The following PATL2 variants were observed in gnomAD, a reference collection of about 807,000 sequenced individuals.
The protein encoded by PATL2 is PAT1 homolog 2, also known as protein PAT1 homolog 2.
Under a neutral mutation model 77.0 loss-of-function variants are expected in PATL2, and 73 were observed. That is an observed-to-expected ratio of 0.95 (90% CI 0.78 to 1.15). PATL2 has a LOEUF of 1.15. PATL2 is among the 50% of genes most tolerant of loss of function. The pLI is 0.00. For missense variants in PATL2, 618 were observed against 655.4 expected, an observed-to-expected ratio of 0.94 and a Z score of 0.62; for synonymous variants, 265 against 257.1, an observed-to-expected ratio of 1.03 and a Z score of -0.29.
chr15:44,676,435 TG>T (rs1278160177), intron 4 of PATL2, 39 bp downstream of exon 4: 2 of 1,501,082 alleles, frequency 1.3e-6, no homozygotes, highest in Admixed American at 2.0e-5. Flanking sequence ...CTCTGCATGC[TG>T]GGGCATTTTA....
chr15:44,676,862 C>G, intron 3 of PATL2: 1 of 1,104,500 alleles, frequency 9.1e-7, no homozygotes, highest in African/African-American at 1.6e-5. Context: ...CTGCCGACAC[C>G]CACCACCTGA....
chr15:44,693,501 T>C (rs1192580400), intron 3 of PATL2, among the ~76,000 whole-genome samples: 1 of 152,164 alleles, frequency 6.6e-6, no homozygotes. Flanking sequence ...TTCTCTGCTT[T>C]AAAGGACCCC....
Position 44,676,460 on chromosome 15 carries a change from C to T in PATL2, c.16+15G>A. ...TGGGGCATTTTATATAACATCACGG[C>T]CCACTTGTTGATACCTTCAAGGCAA... On this transcript the variant is annotated intron_variant, in intron 4 of 17. Transcript: ENST00000682850. 1.3e-6 allele frequency: 2 copies of T among 1,545,566 alleles called. No individual in the cohort carries two copies. The highest frequency in any genetic ancestry group is 1.4e-5 in the African/African-American group (1 of 73,034).
intron 3 of PATL2, among the ~76,000 whole-genome samples, chr15:44,700,666 T>C (rs763852350): frequency 1.2e-4 from 19 of 152,224 alleles, no homozygotes; most frequent in Non-Finnish European, 1.0e-4. Flanking sequence ...AGTTTTTTGG[T>C]GGAGTCCTTA....
intron 3 of PATL2, among the ~76,000 whole-genome samples, chr15:44,690,947 G>C (rs1230568853): frequency 6.6e-6 from 1 of 151,970 alleles, no homozygotes; most frequent in Non-Finnish European, 1.5e-5. Flanking sequence ...CAGAATGTCT[G>C]TGTCCTTATG....
Position 44,707,701 on chromosome 15 carries a change from G to A in PATL2, c.-76+2395C>T, listed in dbSNP as rs531547199. On this transcript the variant is annotated intron_variant, in intron 3 of 17. Coordinates refer to ENST00000682850, the MANE Select transcript of PATL2 (RefSeq NM_001387263.1). ...AGCTGCCCTGCCTGGGGTTGGGAGA[G>A]GGGTGGTGCAAGCAATCCCTTGGCC... Among the ~76,000 whole-genome samples the A allele has an allele frequency of 5.9e-5, 9 of 152,326 alleles. No individual in the cohort carries two copies. In the East Asian group the frequency reaches 1.7e-3, roughly 29 times the overall value.
At chr15:44,676,777 C>T in intron 3 of PATL2, 1 of 1,261,096 alleles carries the variant, frequency 7.9e-7, no homozygotes, top group Non-Finnish European at 1.0e-6. Context: ...AGAAATGAGG[C>T]ACAGGCTAGA....
chr15:44,678,972 AATT>A (rs2086065077), intron 3 of PATL2, among the ~76,000 whole-genome samples: 1 of 152,158 alleles, frequency 6.6e-6, no homozygotes, highest in Non-Finnish European at 1.5e-5. Context: ...ATTACTTATA[AATT>A]TTCAAATTTG....
intron 14 of PATL2, 86 bp from the exon 15 acceptor site, chr15:44,668,568 A>T (rs1006257934): frequency 4.0e-6 from 6 of 1,484,138 alleles, no homozygotes; most frequent in Admixed American, 2.2e-5. Context: ...TCCCTCGCTG[A>T]CCTGTCTTTG....
intron 3 of PATL2, among the ~76,000 whole-genome samples, chr15:44,690,164 G>C (rs1347953028): frequency 1.3e-5 from 2 of 152,012 alleles, no homozygotes; most frequent in Non-Finnish European, 2.9e-5. Context: ...ACTCCAGCCT[G>C]GGCAACAAGA....
intron 3 of PATL2, among the ~76,000 whole-genome samples, chr15:44,685,092 A>G (rs1321405607): frequency 6.6e-6 from 1 of 152,244 alleles, no homozygotes; most frequent in Non-Finnish European, 1.5e-5. Context: ...GAGCTCCTGA[A>G]GGAAGCACTA....
intron 14 of PATL2, 32 bp from the exon 15 acceptor site, chr15:44,668,514 T>C: frequency 3.2e-6 from 5 of 1,544,472 alleles, no homozygotes; most frequent in Non-Finnish European, 4.4e-6. Flanking sequence ...CCTCCCAAAT[T>C]CCACTACAAC....
At chr15:44,701,519 A>G (rs2086628741) in intron 3 of PATL2, among the ~76,000 whole-genome samples, 1 of 151,748 alleles carries the variant, frequency 6.6e-6, no homozygotes, top group African/African-American at 2.4e-5. Flanking sequence ...AACATGGTGA[A>G]ACCCTATCTC....
At chr15:44,696,073 G>A (rs1318159084) in intron 3 of PATL2, among the ~76,000 whole-genome samples, 6 of 152,178 alleles carry the variant, frequency 3.9e-5, no homozygotes, top group Admixed American at 1.3e-4. Flanking sequence ...AATATTTGGA[G>A]GAGAATGTTG....
chr15:44,703,704 A>G lies in PATL2; in HGVS notation c.-76+6392T>C, dbSNP rs1882916564. Among the ~76,000 whole-genome samples, 4 of 144,270 alleles carry G rather than the reference A, an allele frequency of 2.8e-5. No homozygotes were observed. In the South Asian group the frequency reaches 8.7e-4, roughly 31 times the overall value. 94.6% of individuals were successfully genotyped at this position (144,270 alleles called of 152,430 possible). A position where few individuals can be genotyped will look rare whatever the true frequency, so the allele number is the denominator to read the frequency against. On this transcript the variant is annotated intron_variant, in intron 3 of 17. Coordinates refer to ENST00000682850, the MANE Select transcript of PATL2 (RefSeq NM_001387263.1). ...TGGGTGAAGTGTGCTCCTTGTAGGC[A>G]ACAAATCACCGGGTCTTGCTTTTTT... is the stretch of plus-strand genomic sequence containing the variant.
At chr15:44,708,461 T>G (rs1458480259) in intron 3 of PATL2, among the ~76,000 whole-genome samples, 1 of 152,244 alleles carries the variant, frequency 6.6e-6, no homozygotes, top group Admixed American at 6.5e-5. Flanking sequence ...AGTTTCCTCA[T>G]GTTTAGATGA....
chr15:44,669,429 T>TG lies in PATL2; in HGVS notation c.931-17dup. ...GAAGGAACATCTGGGAATTTGAGGG[T>TG]GGAAAAAAGAGGTAAATTTGGGTAA... On this transcript the variant is annotated splice_polypyrimidine_tract_variant and intron_variant, in intron 12 of 17. Transcript: ENST00000682850. 6.5e-7 allele frequency: 1 copy of TG among 1,547,448 alleles called. No homozygotes were observed. Among genetic ancestry groups the TG allele is most frequent in the Non-Finnish European group, 8.7e-7 (1 of 1,143,762 alleles).
intron 3 of PATL2, among the ~76,000 whole-genome samples, chr15:44,692,677 T>G (rs556551290): frequency 2.0e-5 from 3 of 152,362 alleles, no homozygotes; most frequent in Admixed American, 1.3e-4. Context: ...GGGGCCAGGT[T>G]GTAGAGGCAT....
At chr15:44,707,042 G>A (rs1461135639) in intron 3 of PATL2, among the ~76,000 whole-genome samples, 3 of 152,014 alleles carry the variant, frequency 2.0e-5, no homozygotes. Flanking sequence ...TCCACCCCAG[G>A]CCTGTGGTGG....
Sources: allele counts gnomAD v4.1 joint callset (sites outside exome capture counted in the v4.1 genomes callset), GRCh38; gene constraint gnomAD v4.1.1; transcripts MANE v1.5; gene names NCBI Gene and HGNC (gene_info 2026-07-23, HGNC 2026-07-21).